MDFIC2: variants seen among roughly 807,000 people sequenced by gnomAD.
MDFIC2 encodes MyoD family inhibitor domain containing 2.
chr3:70,239,358 C>A (rs1031637336), intron 2 of MDFIC2, among the ~76,000 whole-genome samples: 30 of 152,108 alleles, frequency 2.0e-4, no homozygotes, highest in African/African-American at 6.8e-4. Flanking sequence ...GAAGATTAGA[C>A]CCCAGCTGTC....
rs530680064 is a variant in MDFIC2 at position 70,309,682 on chromosome 3, G to GA, written c.88+2203dup. On this transcript the variant is annotated intron_variant, in intron 2 of 3. Coordinates refer to ENST00000567252, the MANE Select transcript of MDFIC2 (RefSeq NM_001364677.1). Reference sequence around the variant, plus strand: ...AACCCATATACTTTTTCTTAACATTGAAAAAAAAGACATTTATGTTTGAAA... The same window carrying GA: ...AACCCATATACTTTTTCTTAACATTGAAAAAAAAAGACATTTATGTTTGAAA... Among the ~76,000 whole-genome samples the GA allele has an allele frequency of 3.3e-5, 5 of 151,488 alleles. No individual in the cohort carries two copies. In the East Asian group the frequency reaches 5.8e-4, roughly 18 times the overall value.
intron 2 of MDFIC2, among the ~76,000 whole-genome samples, chr3:70,267,206 A>G (rs1349527583): frequency 6.6e-6 from 1 of 152,092 alleles, no homozygotes; most frequent in Non-Finnish European, 1.5e-5. Flanking sequence ...CTTATGTTTT[A>G]GACAGTAAAA....
At chr3:70,229,625 T>C (rs1701540070) in intron 2 of MDFIC2, among the ~76,000 whole-genome samples, 1 of 152,216 alleles carries the variant, frequency 6.6e-6, no homozygotes. Context: ...TCTTCACGTT[T>C]TATTCTCTAC....
intron 2 of MDFIC2, among the ~76,000 whole-genome samples, chr3:70,208,117 T>TA (rs1338336826): frequency 6.6e-6 from 1 of 152,086 alleles, no homozygotes; most frequent in African/African-American, 2.4e-5. Flanking sequence ...AGTTAGCTTA[T>TA]AACTTCCTTA....
At chr3:70,269,279 T>C (rs987345476) in intron 2 of MDFIC2, among the ~76,000 whole-genome samples, 8 of 152,232 alleles carry the variant, frequency 5.3e-5, no homozygotes, top group Non-Finnish European at 1.2e-4. Flanking sequence ...CAGTGTTAAA[T>C]TAAGTTTAGC....
At position 70,235,886 on chromosome 3, in the gene MDFIC2, G is replaced by A. The variant is rs1232394069; in HGVS notation, c.89-29096C>T. ...CAAAGACAATACATGTTCATTAAAT[G>A]TTCATATTAGTGGTTCAATGGACGT... is the stretch of plus-strand genomic sequence containing the variant. On this transcript the variant is annotated intron_variant, in intron 2 of 3. Transcript: ENST00000567252. Among the ~76,000 whole-genome samples, 3 of 152,130 alleles carry A rather than the reference G, an allele frequency of 2.0e-5. 1 individual carries two copies. Among genetic ancestry groups the A allele is most frequent in the Non-Finnish European group, 4.4e-5 (3 of 68,026 alleles).
At chr3:70,278,130 ACTT>A (rs1405333442) in intron 2 of MDFIC2, among the ~76,000 whole-genome samples, 3 of 152,074 alleles carry the variant, frequency 2.0e-5, no homozygotes, top group Non-Finnish European at 4.4e-5. Context: ...TTTGCCCCCA[ACTT>A]CTTCTATTAC....
At chr3:70,207,974 G>A (rs575128648) in intron 2 of MDFIC2, among the ~76,000 whole-genome samples, 4 of 152,126 alleles carry the variant, frequency 2.6e-5, no homozygotes, top group South Asian at 2.1e-4. Flanking sequence ...TAAGACAGGC[G>A]TGGACCTTGA....
At chr3:70,302,261 TA>T (rs1318850301) in intron 2 of MDFIC2, among the ~76,000 whole-genome samples, 2 of 152,128 alleles carry the variant, frequency 1.3e-5, no homozygotes, top group Non-Finnish European at 2.9e-5. Flanking sequence ...TTTTATCTTT[TA>T]TTTTTTTTTA....
chr3:70,300,522 T>TTA (rs1028691930), intron 2 of MDFIC2, among the ~76,000 whole-genome samples: 4 of 151,804 alleles, frequency 2.6e-5, no homozygotes, highest in Admixed American at 1.3e-4. Context: ...TACATATATA[T>TTA]TATATATATA....
At chr3:70,286,666 T>C (rs139802436) in intron 2 of MDFIC2, among the ~76,000 whole-genome samples, 32,582 of 151,454 alleles carry the variant, frequency 0.22, 3,788 homozygotes, top group African/African-American at 0.29. Context: ...GCCATTTTCA[T>C]GATATTGATT....
intron 2 of MDFIC2, among the ~76,000 whole-genome samples, chr3:70,219,745 G>A (rs764250527): frequency 3.5e-4 from 54 of 152,220 alleles, no homozygotes; most frequent in Admixed American, 1.8e-3. Flanking sequence ...GTAACACAGA[G>A]ATTAAGAGCA....
intron 2 of MDFIC2, among the ~76,000 whole-genome samples, chr3:70,211,039 A>G (rs1196924366): frequency 6.6e-6 from 1 of 152,128 alleles, no homozygotes; most frequent in African/African-American, 2.4e-5. Context: ...TTTGATCACT[A>G]AATGTGACTT....
intron 2 of MDFIC2, among the ~76,000 whole-genome samples, chr3:70,223,770 A>G (rs1466761238): frequency 1.3e-5 from 2 of 152,182 alleles, no homozygotes; most frequent in African/African-American, 2.4e-5. Flanking sequence ...TTTAATTCAC[A>G]TACAAATGAA....
At chr3:70,284,230 T>C (rs1702117584) in intron 2 of MDFIC2, among the ~76,000 whole-genome samples, 1 of 152,196 alleles carries the variant, frequency 6.6e-6, no homozygotes, top group Non-Finnish European at 1.5e-5. Flanking sequence ...AATGTGTTAA[T>C]AGTAATTAGG....
chr3:70,210,100 A>C (rs1312952177), intron 2 of MDFIC2, among the ~76,000 whole-genome samples: 1 of 152,108 alleles, frequency 6.6e-6, no homozygotes, highest in African/African-American at 2.4e-5. Flanking sequence ...AACAAAAAAA[A>C]GTTGGATAGA....
intron 2 of MDFIC2, among the ~76,000 whole-genome samples, chr3:70,297,264 C>T (rs556185091): frequency 2.7e-4 from 41 of 151,930 alleles, no homozygotes; most frequent in African/African-American, 9.9e-4. Context: ...AAAAATAAAG[C>T]AAAAGAATCA....
chr3:70,221,934 G>A (rs1374488828), intron 2 of MDFIC2, among the ~76,000 whole-genome samples: 1 of 152,160 alleles, frequency 6.6e-6, no homozygotes, highest in Admixed American at 6.5e-5. Flanking sequence ...CATCCTATCA[G>A]TTGGGTAGAT....
At chr3:70,213,973 A>T (rs1576157805) in intron 2 of MDFIC2, among the ~76,000 whole-genome samples, 1 of 152,106 alleles carries the variant, frequency 6.6e-6, no homozygotes, top group Non-Finnish European at 1.5e-5. Context: ...TACCCAAAGA[A>T]GCTATGTTTT....
Sources: allele counts gnomAD v4.1 joint callset (sites outside exome capture counted in the v4.1 genomes callset), GRCh38; gene constraint gnomAD v4.1.1; transcripts MANE v1.5; gene names NCBI Gene and HGNC (gene_info 2026-07-23, HGNC 2026-07-21).